Variants in ZFX observed in about 807,000 individuals in gnomAD.
ZFX encodes the protein zinc finger X-chromosomal protein.
For synonymous variants in ZFX, 196 were observed against 226.8 expected, an observed-to-expected ratio of 0.86 and a Z score of 1.22; for missense variants, 362 against 628.3, an observed-to-expected ratio of 0.58 and a Z score of 4.53.
intron 5 of ZFX, among the ~76,000 whole-genome samples, chrX:24,202,693 G>C (rs1226865198): frequency 8.9e-6 from 1 of 111,853 alleles, no homozygotes; most frequent in Admixed American, 9.5e-5. Context: ...TCACACTGCA[G>C]ATTCTCACTG....
intron 5 of ZFX, among the ~76,000 whole-genome samples, chrX:24,200,931 T>C (rs1447968201): frequency 8.9e-6 from 1 of 112,404 alleles, no homozygotes; most frequent in Non-Finnish European, 1.9e-5. Context: ...TTATTAGAAG[T>C]AGTCTTAATT....
chrX:24,197,643 T>G (rs1360999738), intron 5 of ZFX, among the ~76,000 whole-genome samples: 1 of 112,025 alleles, frequency 8.9e-6, no homozygotes, highest in Non-Finnish European at 1.9e-5. Flanking sequence ...ATGGGAGATT[T>G]TTTTCCTGAG....
At chrX:24,186,343 G>A (rs1258582941) in intron 5 of ZFX, among the ~76,000 whole-genome samples, 1 of 110,962 alleles carries the variant, frequency 9.0e-6, no homozygotes, top group Non-Finnish European at 1.9e-5. Flanking sequence ...GCCAGGTAAG[G>A]TGGCTCACAC....
intron 1 of ZFX, chrX:24,150,182 G>GGGGGGGGGA (rs1491118548): frequency 1.1e-5 from 1 of 88,017 alleles, no homozygotes; most frequent in East Asian, 3.2e-4. Flanking sequence ...ATATCGGTGA[G>GGGGGGGGGA]GGGGGGGGAG....
intron 5 of ZFX, among the ~76,000 whole-genome samples, chrX:24,181,930 G>T (rs1202574591): frequency 8.9e-6 from 1 of 111,777 alleles, no homozygotes; most frequent in Non-Finnish European, 1.9e-5. Flanking sequence ...TGTTGAAATG[G>T]TTCATATATA....
intron 3 of ZFX, among the ~76,000 whole-genome samples, chrX:24,166,139 G>C (rs1933975803): frequency 8.9e-6 from 1 of 112,548 alleles, no homozygotes; most frequent in Admixed American, 9.4e-5. Flanking sequence ...GGTTCAGAGA[G>C]TATTGTGTCA....
chrX:24,159,181 G>C (rs1932999430), intron 3 of ZFX, among the ~76,000 whole-genome samples: 2 of 110,494 alleles, frequency 1.8e-5, no homozygotes, highest in East Asian at 5.7e-4. Flanking sequence ...TTGTAGAGAC[G>C]GTCTTGCCTT....
At chrX:24,163,522 C>T (rs1008892096) in intron 3 of ZFX, among the ~76,000 whole-genome samples, 7 of 103,763 alleles carry the variant, frequency 6.7e-5, no homozygotes, top group Non-Finnish European at 1.2e-4. Context: ...GGACTACAGG[C>T]GCGAGCAACC....
At chrX:24,201,634 A>T (rs1394690071) in intron 5 of ZFX, among the ~76,000 whole-genome samples, 1 of 112,270 alleles carries the variant, frequency 8.9e-6, no homozygotes, top group East Asian at 2.8e-4. Flanking sequence ...TTTGGTGATA[A>T]CTTTATCCCT....
chrX:24,152,172 G>T (rs758558837), intron 2 of ZFX, among the ~76,000 whole-genome samples: 1 of 106,027 alleles, frequency 9.4e-6, no homozygotes, highest in African/African-American at 3.5e-5. Context: ...ATCTCACTCT[G>T]TCGCCCAGGC....
chrX:24,176,380 A>C (rs1426923643), intron 4 of ZFX, among the ~76,000 whole-genome samples: 1 of 109,438 alleles, frequency 9.1e-6, no homozygotes. Context: ...GATGTAATTA[A>C]AATAGATATT....
At chrX:24,150,374 C>T (rs949831326) in intron 1 of ZFX, 8 of 111,267 alleles carry the variant, frequency 7.2e-5, no homozygotes, top group Non-Finnish European at 1.3e-4. Flanking sequence ...CCCCGGAGGC[C>T]CGGCGCGGCG....
At chrX:24,210,062 A>AT (rs1555918161) in intron 9 of ZFX, 131 bp from the exon 10 acceptor site, 1 of 831,340 alleles carries the variant, frequency 1.2e-6, no homozygotes, top group Non-Finnish European at 1.7e-6. Context: ...AGTAAAAGGA[A>AT]TGTTAAGCAG....
chrX:24,208,441 T>G, intron 8 of ZFX, 71 bp downstream of exon 8: 1 of 1,152,823 alleles, frequency 8.7e-7, no homozygotes, highest in Middle Eastern at 2.4e-4. Flanking sequence ...TGAAAAATGG[T>G]TTCTGTGGTC....
rs779941117 is a variant in ZFX, at chrX:24,177,419, A to G, written c.59-1764A>G. Among the ~76,000 whole-genome samples, 11 of 111,347 alleles carry G rather than the reference A, an allele frequency of 9.9e-5. 1 individual carries two copies. Among genetic ancestry groups the G allele is most frequent in the South Asian group, 3.7e-4 (1 of 2,684 alleles). On this transcript the variant is annotated intron_variant, in intron 4 of 9. Coordinates refer to ENST00000304543, the MANE Select transcript of ZFX (RefSeq NM_003410.4). ...CCTTCATTCCTTAACTGCAAAATGG[A>G]CTAGAGTAGGGGAACTATGTTCCGA...
At chrX:24,188,633 C>T (rs1196236613) in intron 5 of ZFX, among the ~76,000 whole-genome samples, 4 of 111,085 alleles carry the variant, frequency 3.6e-5, no homozygotes, top group South Asian at 7.6e-4. Context: ...TGAACATAGA[C>T]GCCTGCTTTA....
chrX:24,174,234 T>TA (rs1362899904), intron 4 of ZFX, among the ~76,000 whole-genome samples: 5 of 109,497 alleles, frequency 4.6e-5, no homozygotes, highest in African/African-American at 1.7e-4. Context: ...AAAATAAAAA[T>TA]AAAAAATAAA....
In ZFX at chrX:24,211,829, A is replaced by G. The variant is rs1300006626; in HGVS notation, c.*453A>G. ...AGACATCTACTAATATAAATGGGAG[A>G]TTTTACAGTCAGGTCTAATTATCAT... On this transcript the variant is annotated 3_prime_UTR_variant, in exon 10 of 10. Coordinates refer to ENST00000304543, the MANE Select transcript of ZFX (RefSeq NM_003410.4). 8.5e-6 allele frequency: 1 copy of G among 117,422 alleles called. No homozygotes were observed. Among genetic ancestry groups the G allele is most frequent in the Non-Finnish European group, 1.8e-5 (1 of 56,640 alleles). The allele number at this position is 117,422 out of a possible 1,213,427, so 9.7% of individuals were successfully genotyped here.
In ZFX at chrX:24,213,946, C is replaced by G. The variant is rs1230583438; in HGVS notation, c.*2570C>G. On this transcript the variant is annotated 3_prime_UTR_variant, in exon 10 of 10. Transcript: ENST00000304543. The stretch of plus-strand genomic sequence containing the variant: ...AAACTGAAAGATAAAGAACACAACA[C>G]TTCACACATTTTATATTTCTCTTAC... 9.0e-6 allele frequency: 1 copy of G among 110,961 alleles called. No individual in the cohort carries two copies. The highest frequency in any genetic ancestry group is 3.3e-5 in the African/African-American group (1 of 30,407). The allele number at this position is 110,961 out of a possible 1,213,427, so 9.1% of individuals were successfully genotyped here. A position where few individuals can be genotyped will look rare whatever the true frequency, so the allele number is the denominator to read the frequency against.
Sources: gnomAD v4.1 joint callset for allele counts (sites outside exome capture counted in the v4.1 genomes callset) on GRCh38, gnomAD v4.1.1 for gene constraint, MANE v1.5 for transcripts, NCBI Gene and HGNC (gene_info 2026-07-23, HGNC 2026-07-21) for gene names.